Variants in TPD52 observed in about 807,000 individuals in gnomAD.
The protein encoded by TPD52 is prostate and colon associated protein.
In TPD52, 17 loss-of-function variants were observed where a neutral mutation model predicts 31.3. The ratio of observed to expected loss-of-function variants is 0.54; its 90% CI spans 0.37 to 0.82. TPD52 has a LOEUF of 0.82. Among genes scored for constraint, TPD52 ranks in the 40% least tolerant of loss-of-function variants. The probability of loss-of-function intolerance (pLI) is 0.00; values close to 1 mark genes in which losing one functional copy is unlikely to be tolerated. For synonymous variants in TPD52, 83 were observed against 89.6 expected, an observed-to-expected ratio of 0.93 and a Z score of 0.42; for missense variants, 212 against 240.1, an observed-to-expected ratio of 0.88 and a Z score of 0.77.
chr8:80,152,705 T>C (rs1810658584), intron 1 of TPD52, among the ~76,000 whole-genome samples: 1 of 146,990 alleles, frequency 6.8e-6, no homozygotes, highest in Non-Finnish European at 1.5e-5. Flanking sequence ...CACTTGAATC[T>C]TGGGGGGCAG....
chr8:80,041,837 C>T (rs142197088), intron 7 of TPD52, among the ~76,000 whole-genome samples: 3,099 of 152,170 alleles, frequency 0.02, 71 homozygotes, highest in East Asian at 0.052. Flanking sequence ...CACCTGTAAT[C>T]CCAGCACTTT....
intron 1 of TPD52, among the ~76,000 whole-genome samples, chr8:80,068,942 C>T (rs1298175506): frequency 4.6e-5 from 7 of 152,084 alleles, no homozygotes; most frequent in South Asian, 2.1e-4. Context: ...ATGCCAGGTC[C>T]GGTTACAGAC....
rs982626905 is a variant in TPD52, at chr8:80,161,736, T to A, written c.19+9689A>T. ...TTTATATATATATATATATATATTT[T>A]TTTTTTTTTCTGAGACAGAGTCTCG... On this transcript the variant is annotated intron_variant, in intron 1 of 7. Transcript: ENST00000518937. Among the ~76,000 whole-genome samples, 345 of 126,524 alleles carry A rather than the reference T, an allele frequency of 2.7e-3. 3 individuals carry two copies. The highest frequency in any genetic ancestry group is 0.013 in the African/African-American group (325 of 24,350). The allele number at this position is 126,524 out of a possible 152,430, so 83.0% of individuals were successfully genotyped here. A position where few individuals can be genotyped will look rare whatever the true frequency, so the allele number is the denominator to read the frequency against.
chr8:80,105,066 T>A (rs1807008371), intron 1 of TPD52, among the ~76,000 whole-genome samples: 1 of 151,960 alleles, frequency 6.6e-6, no homozygotes, highest in South Asian at 2.1e-4. Context: ...CTCAAAAAAA[T>A]AAAAAATAAG....
chr8:80,168,870 C>G (rs1412586995), intron 1 of TPD52, among the ~76,000 whole-genome samples: 1 of 152,238 alleles, frequency 6.6e-6, no homozygotes, highest in Non-Finnish European at 1.5e-5. Flanking sequence ...CCTCACTCAT[C>G]TTAGGCAGTC....
At chr8:80,129,178 C>T (rs2131073597) in intron 1 of TPD52, among the ~76,000 whole-genome samples, 1 of 152,008 alleles carries the variant, frequency 6.6e-6, no homozygotes, top group South Asian at 2.1e-4. Flanking sequence ...ATTGGTTGTT[C>T]CCCACTATTC....
Position 80,038,226 on chromosome 8 carries a change from C to G in TPD52, c.514G>C (p.Gly172Arg). The change falls in exon 8 of 8, where the codon GGG (glycine) becomes CGG (arginine). Residue 172 changes from glycine to arginine, a missense_variant. Physicochemically the swap from Gly to Arg is moderately radical, Grantham distance 125 (BLOSUM62 -2). Coordinates refer to ENST00000518937, the MANE Select transcript of TPD52 (RefSeq NM_001025253.3). ...TCACCACCAGCAGGCTTGGTTCCCC[C>G]TACTTTAGACTTAAAAAAAAGTTCA... ...EKVENLKSKV[G>R]GTKPAGGDFG... 1 of 1,612,922 alleles carries G rather than the reference C, an allele frequency of 6.2e-7. No individual in the cohort carries two copies. Among genetic ancestry groups the G allele is most frequent in the Non-Finnish European group, 8.5e-7 (1 of 1,179,538 alleles).
intron 1 of TPD52, among the ~76,000 whole-genome samples, chr8:80,156,575 C>T (rs1400194223): frequency 6.6e-6 from 1 of 152,062 alleles, no homozygotes; most frequent in Non-Finnish European, 1.5e-5. Flanking sequence ...AGAGAAAGAG[C>T]TGGGCAGGAT....
chr8:80,038,333 T>A (rs1247832309), intron 7 of TPD52, 98 bp from the exon 8 acceptor site: 1 of 1,239,814 alleles, frequency 8.1e-7, no homozygotes, highest in African/African-American at 1.5e-5. Context: ...AACAAATACA[T>A]CAGCAACCTT....
chr8:80,054,160 G>A (rs9918812), intron 2 of TPD52, among the ~76,000 whole-genome samples: 87,594 of 151,996 alleles, frequency 0.58, 25,802 homozygotes, highest in East Asian at 0.7. Context: ...TCAACTATTC[G>A]TCTCTCTCAC....
At chr8:80,056,584 A>C (rs1811909589) in intron 2 of TPD52, among the ~76,000 whole-genome samples, 1 of 152,230 alleles carries the variant, frequency 6.6e-6, no homozygotes, top group Non-Finnish European at 1.5e-5. Context: ...CAAATGACCA[A>C]TAAGCACATG....
At chr8:80,050,898 A>G (rs1811307233) in intron 4 of TPD52, among the ~76,000 whole-genome samples, 1 of 151,896 alleles carries the variant, frequency 6.6e-6, no homozygotes, top group Non-Finnish European at 1.5e-5. Context: ...CACATTTGTC[A>G]TTTTCATCAC....
chr8:80,115,495 A>T (rs1046447502), intron 1 of TPD52, among the ~76,000 whole-genome samples: 1 of 152,220 alleles, frequency 6.6e-6, no homozygotes, highest in African/African-American at 2.4e-5. Context: ...AAGGCAGCAG[A>T]ACCATAACAG....
chr8:80,126,955 T>C (rs1319119886), intron 1 of TPD52, among the ~76,000 whole-genome samples: 1 of 151,970 alleles, frequency 6.6e-6, no homozygotes, highest in African/African-American at 2.4e-5. Context: ...AAAAAAATTT[T>C]TTAAACAGCC....
intron 2 of TPD52, 140 bp downstream of exon 2, chr8:80,064,338 C>G: frequency 1.4e-6 from 1 of 706,498 alleles, no homozygotes; most frequent in Non-Finnish European, 2.4e-6. Flanking sequence ...CTCCCCTACT[C>G]AAGACCTGCT....
chr8:80,042,772 C>T, intron 6 of TPD52, 104 bp from the exon 7 acceptor site: 2 of 1,034,512 alleles, frequency 1.9e-6, no homozygotes, highest in Non-Finnish European at 2.9e-6. Flanking sequence ...TCTCAATCGG[C>T]AAAAGAACAG....
intron 1 of TPD52, among the ~76,000 whole-genome samples, chr8:80,072,760 T>TAC (rs1016767039): frequency 2.0e-5 from 3 of 149,540 alleles, no homozygotes; most frequent in Admixed American, 1.3e-4. Flanking sequence ...TATACATATA[T>TAC]ACACACACAC....
chr8:80,032,851 AGC>A (rs1214545295), downstream of TPD52: 6 of 152,372 alleles, frequency 3.9e-5, no homozygotes, highest in East Asian at 1.2e-3. Context: ...CATGGCCTGC[AGC>A]GCCTCTGCTG....
At chr8:80,034,728 G>A (rs923599191), downstream of TPD52, 2 of 152,198 alleles carry the variant, frequency 1.3e-5, no homozygotes, top group African/African-American at 4.8e-5. Context: ...GAGTGGTAAA[G>A]TGAAAGATCA....
Sources: gnomAD v4.1 joint callset for allele counts (sites outside exome capture counted in the v4.1 genomes callset) on GRCh38, gnomAD v4.1.1 for gene constraint, MANE v1.5 for transcripts, NCBI Gene and HGNC (gene_info 2026-07-23, HGNC 2026-07-21) for gene names.